ARHGAP32: variants seen among roughly 807,000 people sequenced by gnomAD.
ARHGAP32 encodes Rho GTPase activating protein 32, also known as rho GTPase-activating protein 32.
Under a neutral mutation model 186.5 loss-of-function variants are expected in ARHGAP32, and 51 were observed. The observed-to-expected ratio is 0.27, with a 90% confidence interval of 0.22 to 0.35. ARHGAP32 has a LOEUF of 0.35. Ranked by LOEUF, ARHGAP32 falls within the 10% of genes least tolerant of loss-of-function variation. The pLI is 1.00. For synonymous variants in ARHGAP32, 950 were observed against 964.3 expected (o/e 0.99, Z 0.27); for missense variants, 2,186 against 2,623.5 (o/e 0.83, Z 3.64).
At chr11:129,101,456 G>A (rs1481398054) in intron 5 of ARHGAP32, among the ~76,000 whole-genome samples, 1 of 152,160 alleles carries the variant, frequency 6.6e-6, no homozygotes, top group Non-Finnish European at 1.5e-5. Context: ...TAAAAAGCAT[G>A]ATAAAACAAT....
intron 1 of ARHGAP32, among the ~76,000 whole-genome samples, chr11:129,244,835 A>G (rs1178337696): frequency 1.4e-4 from 22 of 152,156 alleles, no homozygotes; most frequent in African/African-American, 4.8e-4. Context: ...GCAGCCAAAA[A>G]ACACATGAAA....
intron 6 of ARHGAP32, among the ~76,000 whole-genome samples, chr11:129,088,576 C>CTCAA (rs767589782): frequency 4.0e-4 from 61 of 152,232 alleles, no homozygotes; most frequent in African/African-American, 1.1e-3. Flanking sequence ...GAGACTCCTT[C>CTCAA]TCAATCAATC....
At position 128,975,022 on chromosome 11, in the gene ARHGAP32, G is replaced by C; in HGVS notation, c.2195-20C>G. 6.3e-7 allele frequency: 1 copy of C among 1,581,942 alleles called. No homozygotes were observed. The highest frequency in any genetic ancestry group is 8.6e-7 in the Non-Finnish European group (1 of 1,164,976). On this transcript the variant is annotated intron_variant, in intron 20 of 22. Coordinates refer to ENST00000682385, the MANE Select transcript of ARHGAP32 (RefSeq NM_001378024.1). ...AATCACCTGGAAAAAATGAATAACAGTGTCAAAGTAAGAACATCGTAGATA... is the reference window on the plus strand; with the variant it reads ...AATCACCTGGAAAAAATGAATAACACTGTCAAAGTAAGAACATCGTAGATA...
chr11:129,058,824 G>A (rs770579833), intron 10 of ARHGAP32, among the ~76,000 whole-genome samples: 1 of 152,228 alleles, frequency 6.6e-6, no homozygotes, highest in Non-Finnish European at 1.5e-5. Context: ...GATGTCTGAT[G>A]TACAGTTACC....
intron 2 of ARHGAP32, among the ~76,000 whole-genome samples, chr11:129,155,139 A>G (rs1325635392): frequency 6.6e-6 from 1 of 152,236 alleles, no homozygotes; most frequent in East Asian, 1.9e-4. Flanking sequence ...TTTTCACAAT[A>G]GAATGGCAGA....
chr11:129,044,467 A>T (rs530287161), intron 10 of ARHGAP32, among the ~76,000 whole-genome samples: 73 of 152,312 alleles, frequency 4.8e-4, no homozygotes, highest in Middle Eastern at 3.4e-3. Flanking sequence ...AATAACTCCC[A>T]CAAGCTTAGC....
rs559445350 is a variant in ARHGAP32 at position 129,173,284 on chromosome 11, C to T, written c.117-8857G>A. Reference sequence around the variant, plus strand: ...GGAAGAAGCTGAATCCCTGAATAGACCAATAACAAGTTCTGAAATTGAGGC... The same window carrying T: ...GGAAGAAGCTGAATCCCTGAATAGATCAATAACAAGTTCTGAAATTGAGGC... On this transcript the variant is annotated intron_variant, in intron 1 of 22. Transcript: ENST00000682385. Among the ~76,000 whole-genome samples the T allele has an allele frequency of 1.2e-3, 182 of 151,298 alleles. 2 individuals carry two copies. Among genetic ancestry groups the T allele is most frequent in the Middle Eastern group, 3.4e-3 (1 of 294 alleles).
At chr11:129,263,785 T>TG in intron 1 of ARHGAP32, among the ~76,000 whole-genome samples, 1 of 152,152 alleles carries the variant, frequency 6.6e-6, no homozygotes, top group East Asian at 1.9e-4. Context: ...GCACTCTTGA[T>TG]GAGAATATAA....
At chr11:129,128,300 C>T (rs1942709155) in intron 2 of ARHGAP32, among the ~76,000 whole-genome samples, 1 of 152,128 alleles carries the variant, frequency 6.6e-6, no homozygotes, top group Non-Finnish European at 1.5e-5. Flanking sequence ...CTTTTCCATT[C>T]ATCAAGAGGA....
intron 6 of ARHGAP32, among the ~76,000 whole-genome samples, chr11:129,068,613 G>T (rs1025829421): frequency 9.2e-5 from 14 of 151,980 alleles, no homozygotes; most frequent in Non-Finnish European, 4.4e-5. Flanking sequence ...AGTTGAAATG[G>T]TATCTTCTTT....
At chr11:129,233,491 C>T (rs1321991131) in intron 1 of ARHGAP32, among the ~76,000 whole-genome samples, 1 of 152,054 alleles carries the variant, frequency 6.6e-6, no homozygotes, top group Non-Finnish European at 1.5e-5. Flanking sequence ...CTCTGTCTAA[C>T]TCTACCAATG....
chr11:129,201,316 C>T (rs551890942), intron 1 of ARHGAP32, among the ~76,000 whole-genome samples: 1 of 152,216 alleles, frequency 6.6e-6, no homozygotes, highest in South Asian at 2.1e-4. Flanking sequence ...TAATGTTTAT[C>T]GATGTAGAAA....
intron 1 of ARHGAP32, among the ~76,000 whole-genome samples, chr11:129,256,462 TAG>T (rs1255302134): frequency 6.6e-6 from 1 of 152,080 alleles, no homozygotes; most frequent in Non-Finnish European, 1.5e-5. Flanking sequence ...GGTTTCAATA[TAG>T]ATTATGTAGC....
rs759374080 is a variant in ARHGAP32, at chr11:128,968,973, A to G, written c.6240T>C (p.Gly2080=). The G allele has an allele frequency of 6.3e-7, 1 of 1,587,680 alleles. No individual in the cohort carries two copies. The highest frequency in any genetic ancestry group is 2.0e-4 in the Middle Eastern group (1 of 5,038). ...ACTCTGCGGGCAGGAAGGCCCCTTG[A>G]CCCAACGCTGTAGCATAGGTCCTGC... ...PQSRTYATAL[G]QGAFLPAELS... Residue 2080 remains glycine (G), a synonymous_variant, in exon 23 of 23, where the codon GGT becomes GGC. Coordinates refer to ENST00000682385, the MANE Select transcript of ARHGAP32 (RefSeq NM_001378024.1).
At chr11:129,209,494 T>C (rs1375676105) in intron 1 of ARHGAP32, among the ~76,000 whole-genome samples, 1 of 151,954 alleles carries the variant, frequency 6.6e-6, no homozygotes, top group Non-Finnish European at 1.5e-5. Flanking sequence ...TAGACAGCAC[T>C]AAGGATTTGT....
At chr11:129,249,220 C>T (rs1171046770) in intron 1 of ARHGAP32, among the ~76,000 whole-genome samples, 2 of 151,640 alleles carry the variant, frequency 1.3e-5, no homozygotes, top group Non-Finnish European at 1.5e-5. Context: ...CAAAAAAAAA[C>T]TTTGCAGTCT....
intron 5 of ARHGAP32, among the ~76,000 whole-genome samples, chr11:129,109,407 T>C (rs1942142974): frequency 6.6e-6 from 1 of 152,052 alleles, no homozygotes; most frequent in South Asian, 2.1e-4. Flanking sequence ...ATCAATCCGA[T>C]ACACTGATTT....
chr11:129,141,831 C>A (rs1591646858), intron 2 of ARHGAP32, among the ~76,000 whole-genome samples: 1 of 149,418 alleles, frequency 6.7e-6, no homozygotes, highest in Admixed American at 6.7e-5. Flanking sequence ...TTTATTTTTA[C>A]AAGGGAAAGG....
rs1288542707 is a variant in ARHGAP32, at chr11:129,123,092, C to A, written c.444+354G>T. On this transcript the variant is annotated intron_variant, in intron 5 of 22. Transcript: ENST00000682385. The surrounding 1 kb of genome is among the most constrained non-coding windows in gnomAD (Gnocchi z 4.6). ...AATAAAGTGAGAACACTTTAATCTACCAAGTATCAAAGCTCACAACAATTA... is the reference window on the plus strand; with the variant it reads ...AATAAAGTGAGAACACTTTAATCTAACAAGTATCAAAGCTCACAACAATTA... Among the ~76,000 whole-genome samples, 1 of 151,890 alleles carries A rather than the reference C, an allele frequency of 6.6e-6. No individual in the cohort carries two copies. Among genetic ancestry groups the A allele is most frequent in the African/African-American group, 2.4e-5 (1 of 41,352 alleles).
Sources: allele counts gnomAD v4.1 joint callset (sites outside exome capture counted in the v4.1 genomes callset), GRCh38; gene constraint gnomAD v4.1.1; non-coding constraint Gnocchi (gnomAD v3.1); transcripts MANE v1.5; gene names NCBI Gene and HGNC (gene_info 2026-07-23, HGNC 2026-07-21).